ZNF438: variants seen among roughly 807,000 people sequenced by gnomAD.
ZNF438 encodes the protein zinc finger protein 438.
Under a neutral mutation model 38.0 loss-of-function variants are expected in ZNF438, and 25 were observed. That is an observed-to-expected ratio of 0.66 (90% CI 0.48 to 0.92). The LOEUF (loss-of-function observed/expected upper bound fraction) is 0.92, where lower values mean the gene tolerates loss of function less well. Among genes scored for constraint, ZNF438 ranks in the 40% least tolerant of loss-of-function variants. The pLI is 0.00. For synonymous variants in ZNF438, 372 were observed against 364.1 expected (o/e 1.02, Z -0.25); for missense variants, 1,007 against 999.6 (o/e 1.01, Z -0.10).
chr10:30,948,986 A>C (rs2047804474), intron 1 of ZNF438, among the ~76,000 whole-genome samples: 1 of 152,188 alleles, frequency 6.6e-6, no homozygotes, highest in African/African-American at 2.4e-5. Context: ...AAAAATGTTA[A>C]CGGCAGCCAG....
intron 3 of ZNF438, among the ~76,000 whole-genome samples, chr10:30,881,113 A>G (rs1588974400): frequency 6.6e-6 from 1 of 152,170 alleles, no homozygotes; most frequent in African/African-American, 2.4e-5. Flanking sequence ...CTTCTATTCA[A>G]CCCTGTATTG....
chr10:30,942,190 AAG>A (rs1206660882), intron 1 of ZNF438, among the ~76,000 whole-genome samples: 2 of 152,172 alleles, frequency 1.3e-5, no homozygotes, highest in Non-Finnish European at 2.9e-5. Context: ...TACAAAGAGA[AAG>A]AGAGAAATGG....
chr10:31,010,859 C>T lies in ZNF438; in HGVS notation c.-192+20974G>A, dbSNP rs188101401. Among the ~76,000 whole-genome samples, 157 of 131,574 alleles carry T rather than the reference C, an allele frequency of 1.2e-3. 1 individual carries two copies. Among genetic ancestry groups the T allele is most frequent in the African/African-American group, 4.4e-3 (147 of 33,296 alleles). 86.3% of individuals were successfully genotyped at this position (131,574 alleles called of 152,430 possible). A position where few individuals can be genotyped will look rare whatever the true frequency, so the allele number is the denominator to read the frequency against. ...AGTGAGCTATTATTACACCACTGCA[C>T]TCCAGCCTGGATAACGAAGTGAGAC... On this transcript the variant is annotated intron_variant, in intron 1 of 5. Coordinates refer to ENST00000413025, the Ensembl canonical transcript of ZNF438.
chr10:30,896,130 C>A (rs1306664047), intron 3 of ZNF438, among the ~76,000 whole-genome samples: 1 of 151,850 alleles, frequency 6.6e-6, no homozygotes, highest in Non-Finnish European at 1.5e-5. Context: ...CCCATCTCTA[C>A]TAAAAATACA....
chr10:30,968,694 G>GC lies in ZNF438; in HGVS notation c.-191-27044dup, dbSNP rs769345497. 3.3e-5 allele frequency among the ~76,000 whole-genome samples: 5 copies of GC among 152,086 alleles called. No homozygotes were observed. The East Asian group carries it at 9.7e-4, about 29-fold the overall frequency. The stretch of plus-strand genomic sequence containing the variant: ...CGACCTCAGGTTATCCGCCCACCTA[G>GC]CCCTCCCAAAGTGCTGGGATTACAG... On this transcript the variant is annotated intron_variant, in intron 1 of 5. Transcript: ENST00000413025.
chr10:30,960,305 C>G (rs1343685025), intron 1 of ZNF438, among the ~76,000 whole-genome samples: 2 of 146,888 alleles, frequency 1.4e-5, no homozygotes, highest in Non-Finnish European at 3.1e-5. Context: ...AATTTTTTAT[C>G]TTATGGCTCA....
intron 2 of ZNF438, among the ~76,000 whole-genome samples, chr10:30,914,345 A>G (rs1287017378): frequency 6.6e-6 from 1 of 152,062 alleles, no homozygotes; most frequent in East Asian, 1.9e-4. Context: ...GAGTGTGATT[A>G]TAAAAGGCCA....
intron 3 of ZNF438, among the ~76,000 whole-genome samples, chr10:30,905,991 A>G (rs1369936150): frequency 2.6e-5 from 4 of 152,110 alleles, no homozygotes; most frequent in Non-Finnish European, 5.9e-5. Flanking sequence ...GAAATTGAGA[A>G]TGGGGAGTTT....
chr10:30,901,754 C>T (rs992634908), intron 3 of ZNF438, among the ~76,000 whole-genome samples: 2 of 151,812 alleles, frequency 1.3e-5, no homozygotes, highest in African/African-American at 4.8e-5. Flanking sequence ...TTCTTGGTCT[C>T]ACTGACTTCA....
chr10:30,950,313 A>T (rs559031826), intron 1 of ZNF438, among the ~76,000 whole-genome samples: 52 of 152,098 alleles, frequency 3.4e-4, no homozygotes, highest in African/African-American at 1.2e-3. Context: ...TCCAAAATTG[A>T]CACCCTAACA....
chr10:30,935,887 A>T (rs1189809051), intron 2 of ZNF438, among the ~76,000 whole-genome samples: 2 of 152,112 alleles, frequency 1.3e-5, no homozygotes, highest in Non-Finnish European at 2.9e-5. Context: ...CCCATGATCC[A>T]ATCACCTCCC....
chr10:30,885,245 G>C (rs1452811534), intron 3 of ZNF438, among the ~76,000 whole-genome samples: 1 of 152,202 alleles, frequency 6.6e-6, no homozygotes, highest in African/African-American at 2.4e-5. Flanking sequence ...TATACATTAA[G>C]ATAATGTTAC....
chr10:30,879,724 A>T (rs1464171469), intron 3 of ZNF438, among the ~76,000 whole-genome samples: 1 of 152,218 alleles, frequency 6.6e-6, no homozygotes, highest in Non-Finnish European at 1.5e-5. Context: ...GTCAGAAGAA[A>T]ATATTAGCAA....
chr10:31,025,929 T>C (rs1313479624), intron 1 of ZNF438, among the ~76,000 whole-genome samples: 12 of 152,084 alleles, frequency 7.9e-5, no homozygotes, highest in Admixed American at 7.2e-4. Flanking sequence ...TTGAAGATAA[T>C]AATGCAAAAA....
At chr10:30,874,866 A>T (rs2038168131) in intron 4 of ZNF438, among the ~76,000 whole-genome samples, 2 of 151,674 alleles carry the variant, frequency 1.3e-5, no homozygotes, top group Non-Finnish European at 2.9e-5. Context: ...TATAAATTTT[A>T]TGATAGATCT....
exon 5 of ZNF438, chr10:30,849,746 GGGGTAGCAGGAGGGTTCAGACTGCCAT>G: frequency 6.2e-7 from 1 of 1,614,196 alleles, no homozygotes; most frequent in East Asian, 2.2e-5. Context: ...GGATGATGCT[GGGGTAGCAGGAGGGTTCAGACTGCCAT>G]GGGTGTTGGT....
At chr10:30,914,808 T>A (rs1477818847) in intron 2 of ZNF438, among the ~76,000 whole-genome samples, 1 of 151,890 alleles carries the variant, frequency 6.6e-6, no homozygotes, top group East Asian at 1.9e-4. Context: ...GTCTTGAGGT[T>A]GTAATGAACA....
Position 30,849,688 on chromosome 10 carries a change from T to C in ZNF438, c.717A>G (p.Lys239=), listed in dbSNP as rs775817758. Residue 239 remains lysine (K), a synonymous_variant, in exon 5 of 6, where the codon AAA becomes AAG. Coordinates refer to ENST00000413025, the Ensembl canonical transcript of ZNF438. ...ATGTTATCTTGCTTACAAAGTGTGCTTTCCCTGAAAGAGCTGTGAGGTCCT... is the reference window on the plus strand; with the variant it reads ...ATGTTATCTTGCTTACAAAGTGTGCCTTCCCTGAAAGAGCTGTGAGGTCCT... 3 of 1,614,226 alleles carry C rather than the reference T, an allele frequency of 1.9e-6. No homozygotes were observed. The South Asian group carries it at 3.3e-5, about 18-fold the overall frequency.
intron 1 of ZNF438, among the ~76,000 whole-genome samples, chr10:30,998,780 A>G (rs1243412196): frequency 6.6e-6 from 1 of 152,038 alleles, no homozygotes; most frequent in African/African-American, 2.4e-5. Flanking sequence ...TGGCAGTTTC[A>G]TTTTTCATAC....
Sources: allele counts gnomAD v4.1 joint callset (sites outside exome capture counted in the v4.1 genomes callset), GRCh38; gene constraint gnomAD v4.1.1; transcripts MANE v1.5; gene names NCBI Gene and HGNC (gene_info 2026-07-23, HGNC 2026-07-21).